The following PDE1C variants were observed in gnomAD, a reference collection of about 807,000 sequenced individuals.
PDE1C encodes the protein dual specificity calcium/calmodulin-dependent 3',5'-cyclic nucleotide phosphodiesterase 1C.
Under a neutral mutation model 93.1 loss-of-function variants are expected in PDE1C, and 62 were observed. The ratio of observed to expected loss-of-function variants is 0.67; its 90% CI spans 0.54 to 0.82. The LOEUF (loss-of-function observed/expected upper bound fraction) is 0.82, where lower values mean the gene tolerates loss of function less well. Among genes scored for constraint, PDE1C ranks in the 40% least tolerant of loss-of-function variants. PDE1C has a pLI of 0.00. For synonymous variants in PDE1C, 325 were observed against 310.1 expected (o/e 1.05, Z -0.50); for missense variants, 742 against 884.6 (o/e 0.84, Z 2.04).
intron 2 of PDE1C, among the ~76,000 whole-genome samples, chr7:31,998,563 A>C (rs897561730): frequency 2.0e-5 from 3 of 152,218 alleles, no homozygotes; most frequent in Non-Finnish European, 4.4e-5. Flanking sequence ...GATCCATAAA[A>C]GAACTGTTAA....
chr7:32,068,773 G>A lies in PDE1C; in HGVS notation c.101+1520C>T, dbSNP rs546969216. Among the ~76,000 whole-genome samples the A allele has an allele frequency of 2.0e-5, 3 of 152,326 alleles. No individual in the cohort carries two copies. In the East Asian group the frequency reaches 5.8e-4, roughly 29 times the overall value. On this transcript the variant is annotated intron_variant, in intron 1 of 17. Transcript: ENST00000396191. ...TAAATTGAAAAGCAGTCCAAGAGAAGAAGTTCCTGGGTGTATGGATATGAA... is the reference window on the plus strand; with the variant it reads ...TAAATTGAAAAGCAGTCCAAGAGAAAAAGTTCCTGGGTGTATGGATATGAA...
chr7:31,778,951 C>A (rs540161793), intron 16 of PDE1C, among the ~76,000 whole-genome samples: 1 of 152,292 alleles, frequency 6.6e-6, no homozygotes, highest in Admixed American at 6.5e-5. Context: ...CTGACTCTTG[C>A]TGCTTCTTAA....
At chr7:31,860,022 A>T (rs1436091176) in intron 7 of PDE1C, among the ~76,000 whole-genome samples, 1 of 152,138 alleles carries the variant, frequency 6.6e-6, no homozygotes, top group Non-Finnish European at 1.5e-5. Flanking sequence ...AATGAACCTG[A>T]TTGTATAGGC....
At chr7:32,112,623 CTT>C (rs11367872) in intron 3 of PDE1C, among the ~76,000 whole-genome samples, 202 of 141,048 alleles carry the variant, frequency 1.4e-3, no homozygotes, top group Middle Eastern at 3.7e-3. Flanking sequence ...CATCTAGCTG[CTT>C]TTTTTTTTTT....
intron 2 of PDE1C, among the ~76,000 whole-genome samples, chr7:31,991,513 GC>G (rs1169823807): frequency 3.3e-5 from 5 of 152,202 alleles, no homozygotes; most frequent in Admixed American, 6.5e-5. Context: ...ATAGTTACCT[GC>G]AGAAGGGGAA....
At chr7:31,790,169 G>T in intron 16 of PDE1C, 1 of 1,600,504 alleles carries the variant, frequency 6.2e-7, no homozygotes, top group Non-Finnish European at 8.5e-7. Flanking sequence ...GGAAGAAGGA[G>T]AAGAAGGAGA....
At chr7:31,793,230 T>G (rs1002246461) in intron 16 of PDE1C, among the ~76,000 whole-genome samples, 1 of 152,082 alleles carries the variant, frequency 6.6e-6, no homozygotes. Flanking sequence ...AGATTGAAGT[T>G]CAATTTAACA....
At chr7:31,805,361 C>T (rs1786687695) in intron 16 of PDE1C, among the ~76,000 whole-genome samples, 1 of 151,808 alleles carries the variant, frequency 6.6e-6, no homozygotes, top group Admixed American at 6.6e-5. Flanking sequence ...ATTTTCAGAC[C>T]ACAGTTGGCT....
At chr7:32,068,338 G>A (rs1250352582) in intron 1 of PDE1C, among the ~76,000 whole-genome samples, 1 of 151,582 alleles carries the variant, frequency 6.6e-6, no homozygotes, top group Admixed American at 6.6e-5. Context: ...TTGTATAAAA[G>A]AGTGTGTGCT....
intron 1 of PDE1C, among the ~76,000 whole-genome samples, chr7:32,311,942 T>C (rs1227611698): frequency 6.6e-6 from 1 of 151,354 alleles, no homozygotes; most frequent in East Asian, 1.9e-4. Context: ...GGGTATTCAA[T>C]TAGGAAAAGA....
At chr7:31,658,329 T>C in the PDE1C span, 1 of 1,523,328 alleles carries the variant, frequency 6.6e-7, no homozygotes, top group Non-Finnish European at 8.8e-7. Context: ...CAAATAACTC[T>C]GCTAAAGATG....
chr7:32,205,889 G>A (rs558901844), intron 2 of PDE1C, among the ~76,000 whole-genome samples: 2 of 152,026 alleles, frequency 1.3e-5, no homozygotes, highest in Admixed American at 6.6e-5. Flanking sequence ...AAGAAACTCC[G>A]GACACATCTG....
intron 2 of PDE1C, among the ~76,000 whole-genome samples, chr7:32,036,473 A>G (rs1791106490): frequency 6.6e-6 from 1 of 152,216 alleles, no homozygotes; most frequent in Admixed American, 6.5e-5. Flanking sequence ...GAAATAATAA[A>G]CAAAAAGCAG....
At chr7:32,074,605 G>A (rs1563288537), upstream of PDE1C, among the ~76,000 whole-genome samples, 2 of 152,112 alleles carry the variant, frequency 1.3e-5, no homozygotes, top group African/African-American at 4.8e-5. Context: ...CTAGTAAAGA[G>A]GTATATAATA....
intron 2 of PDE1C, among the ~76,000 whole-genome samples, chr7:31,884,771 A>G (rs1797677423): frequency 6.6e-6 from 1 of 152,146 alleles, no homozygotes; most frequent in South Asian, 2.1e-4. Context: ...TGGGCAAAAG[A>G]GTTTCAAATT....
rs1786161670 is a variant in PDE1C, at chr7:31,802,345, T to C, written c.1891+6686A>G. Among the ~76,000 whole-genome samples the C allele has an allele frequency of 2.6e-5, 4 of 151,614 alleles. No individual in the cohort carries two copies. The South Asian group carries it at 8.3e-4, about 31-fold the overall frequency. On this transcript the variant is annotated intron_variant, in intron 16 of 17. Transcript: ENST00000396191. ...ATGATACTGAACCTTACAATAGATA[T>C]CCCATTTCTCCCCTACTGGACTTTT... is the stretch of plus-strand genomic sequence containing the variant.
the PDE1C span, among the ~76,000 whole-genome samples, chr7:31,691,578 G>A: frequency 1.4e-4 from 21 of 151,890 alleles, no homozygotes; most frequent in Admixed American, 7.2e-4. Flanking sequence ...GCTCCTGGGC[G>A]ACAGCTATAA....
At position 31,964,772 on chromosome 7, in the gene PDE1C, G is replaced by A. The variant is rs372582655; in HGVS notation, c.129-83912C>T. Among the ~76,000 whole-genome samples, 650 of 152,298 alleles carry A rather than the reference G, an allele frequency of 4.3e-3. 7 individuals are homozygous for A. The highest frequency in any genetic ancestry group is 0.014 in the African/African-American group (601 of 41,558). ...TCTGAGACAAAACTTCTAGAGGAAC[G>A]ATCAGGCAGCAGCATTTACAGTTCA... On this transcript the variant is annotated intron_variant, in intron 2 of 17. Transcript: ENST00000396191.
exon 1 of PDE1C, chr7:32,298,803 G>C (rs1562661360): frequency 2.0e-6 from 3 of 1,531,290 alleles, no homozygotes; most frequent in South Asian, 1.2e-5. Context: ...CCACGGCGGA[G>C]TGAGCAGCCC....
Sources: gnomAD v4.1 joint callset for allele counts (sites outside exome capture counted in the v4.1 genomes callset) on GRCh38, gnomAD v4.1.1 for gene constraint, MANE v1.5 for transcripts, NCBI Gene and HGNC (gene_info 2026-07-23, HGNC 2026-07-21) for gene names.